Variants in S100PBP observed in about 807,000 individuals in gnomAD.
The protein encoded by S100PBP is S100P-binding protein.
Under a neutral mutation model 39.9 loss-of-function variants are expected in S100PBP, and 15 were observed. The ratio of observed to expected loss-of-function variants is 0.38; its 90% CI spans 0.25 to 0.58. S100PBP has a LOEUF of 0.58. Ranked by LOEUF, S100PBP falls within the 20% of genes least tolerant of loss-of-function variation. The pLI is 0.70. For synonymous variants in S100PBP, 178 were observed against 180.3 expected, an observed-to-expected ratio of 0.99 and a Z score of 0.10; for missense variants, 504 against 487.3, an observed-to-expected ratio of 1.03 and a Z score of -0.32.
In S100PBP at chr1:32,856,903, G is replaced by A. The variant is rs1640835409; in HGVS notation, c.*865G>A. The A allele has an allele frequency of 6.6e-6, 1 of 152,112 alleles. No individual in the cohort carries two copies. The highest frequency in any genetic ancestry group is 1.5e-5 in the Non-Finnish European group (1 of 68,034). The allele number at this position is 152,112 out of a possible 1,614,324, so 9.4% of individuals were successfully genotyped here. A position where few individuals can be genotyped will look rare whatever the true frequency, so the allele number is the denominator to read the frequency against. ...GCAGTATTCTTGTAACCTGTTAGACGTGGATATACCTCTTCAGGATGGCCT... is the reference window on the plus strand; with the variant it reads ...GCAGTATTCTTGTAACCTGTTAGACATGGATATACCTCTTCAGGATGGCCT... On this transcript the variant is annotated 3_prime_UTR_variant, in exon 7 of 7. Transcript: ENST00000373475.
At chr1:32,821,708 C>A (rs1639075030) in intron 1 of S100PBP, among the ~76,000 whole-genome samples, 3 of 151,702 alleles carry the variant, frequency 2.0e-5, no homozygotes, top group African/African-American at 7.3e-5. Context: ...GATCTCTGCC[C>A]ACTGCAACCT....
At chr1:32,837,770 T>G (rs1464382516) in intron 5 of S100PBP, among the ~76,000 whole-genome samples, 1 of 152,000 alleles carries the variant, frequency 6.6e-6, no homozygotes, top group Non-Finnish European at 1.5e-5. Context: ...TGAGTCTGGC[T>G]TCTTTGTCTC....
At chr1:32,845,279 A>G (rs1227392846) in intron 5 of S100PBP, among the ~76,000 whole-genome samples, 1 of 152,024 alleles carries the variant, frequency 6.6e-6, no homozygotes, top group Admixed American at 6.6e-5. Context: ...TCTTTTTTAA[A>G]AAATAGAGAC....
At chr1:32,818,208 C>G (rs1569804293) in intron 1 of S100PBP, 1 of 152,314 alleles carries the variant, frequency 6.6e-6, no homozygotes. Flanking sequence ...AGAAAACTCT[C>G]GCTTCTCCCG....
intron 3 of S100PBP, among the ~76,000 whole-genome samples, chr1:32,827,478 C>T (rs1639381130): frequency 6.6e-6 from 1 of 151,934 alleles, no homozygotes; most frequent in African/African-American, 2.4e-5. Context: ...ATCCCTGCCA[C>T]GTAGGGTTTC....
At chr1:32,851,251 G>T (rs984390954) in intron 5 of S100PBP, among the ~76,000 whole-genome samples, 6 of 152,118 alleles carry the variant, frequency 3.9e-5, no homozygotes, top group Admixed American at 3.3e-4. Context: ...ACTAGAACTT[G>T]AAAATATGAG....
intron 5 of S100PBP, among the ~76,000 whole-genome samples, chr1:32,837,585 A>G (rs1462963364): frequency 6.8e-6 from 1 of 147,782 alleles, no homozygotes; most frequent in East Asian, 2.0e-4. Context: ...AAAAAAAAAG[A>G]TAATAAGCAT....
intron 5 of S100PBP, among the ~76,000 whole-genome samples, chr1:32,833,197 G>A (rs2148657972): frequency 6.6e-6 from 1 of 152,136 alleles, no homozygotes; most frequent in East Asian, 1.9e-4. Flanking sequence ...AATGCAAAAC[G>A]CATTACCTCA....
At chr1:32,832,583 A>G (rs1014174252) in intron 5 of S100PBP, among the ~76,000 whole-genome samples, 5 of 152,142 alleles carry the variant, frequency 3.3e-5, no homozygotes, top group Non-Finnish European at 7.4e-5. Flanking sequence ...CCCATTGCCC[A>G]GTATTCCTAC....
chr1:32,846,879 C>T (rs1199722030), intron 5 of S100PBP: 1 of 152,100 alleles, frequency 6.6e-6, no homozygotes, highest in Non-Finnish European at 1.5e-5. Context: ...CCTCCAGGTT[C>T]AAGCGATTCT....
chr1:32,830,068 G>C lies in S100PBP; in HGVS notation c.1024+1G>C. The C allele has an allele frequency of 6.4e-7, 1 of 1,568,596 alleles. No individual in the cohort carries two copies. The highest frequency in any genetic ancestry group is 8.8e-7 in the Non-Finnish European group (1 of 1,139,190). On this transcript the variant is annotated splice_donor_variant, in intron 5 of 6. Coordinates refer to ENST00000373475, the MANE Select transcript of S100PBP (RefSeq NM_022753.4). LOFTEE classifies it high-confidence loss of function. ...GAAGACCCAGAGGACACTAACCAAG[G>C]TAACATGGTACCCAGAGAAAGGCAT...
chr1:32,832,926 C>A (rs1019122243), intron 5 of S100PBP, among the ~76,000 whole-genome samples: 1 of 151,896 alleles, frequency 6.6e-6, no homozygotes, highest in African/African-American at 2.4e-5. Context: ...CAAAGTAAAT[C>A]ATCCTTCAAC....
intron 1 of S100PBP, among the ~76,000 whole-genome samples, chr1:32,824,624 A>G (rs1639239272): frequency 6.6e-6 from 1 of 150,560 alleles, no homozygotes. Context: ...GTGCAGCGAT[A>G]TGATGACTGC....
chr1:32,829,467 A>G (rs1639492062), intron 4 of S100PBP, among the ~76,000 whole-genome samples: 2 of 151,672 alleles, frequency 1.3e-5, no homozygotes, highest in Non-Finnish European at 2.9e-5. Context: ...TTTTTAAATT[A>G]TTTGATTTTT....
At chr1:32,837,276 GA>G (rs1421770720) in intron 5 of S100PBP, 1 of 150,886 alleles carries the variant, frequency 6.6e-6, no homozygotes, top group Non-Finnish European at 1.5e-5. Context: ...TTTCTCTCTG[GA>G]AGTTCTTTTT....
chr1:32,830,027 T>A lies in S100PBP; in HGVS notation c.984T>A (p.Ser328Arg). Residue 328 changes from serine (S) to arginine (R), a missense_variant, in exon 5 of 7, where the codon AGT (serine) becomes AGA (arginine). Transcript: ENST00000373475. Reference protein sequence around the residue: ...LEQQKQLYLRSVIAHIEDPED... With the variant: ...LEQQKQLYLRRVIAHIEDPED... ...AGCAGAAGCAGCTTTATCTCAGGAG[T>A]GTCATTGCTCATATAGAAGACCCAG... 1 of 1,613,746 alleles carries A rather than the reference T, an allele frequency of 6.2e-7. No individual in the cohort carries two copies. Among genetic ancestry groups the A allele is most frequent in the Non-Finnish European group, 8.5e-7 (1 of 1,179,802 alleles).
At chr1:32,838,102 G>A (rs924561598) in intron 5 of S100PBP, among the ~76,000 whole-genome samples, 2 of 152,038 alleles carry the variant, frequency 1.3e-5, no homozygotes, top group East Asian at 3.9e-4. Flanking sequence ...AGCACTTTTG[G>A]AGGCCGAGGC....
Position 32,826,582 on chromosome 1 carries a change from T to G in S100PBP, c.483T>G (p.Asp161Glu), listed in dbSNP as rs1014068967. The change falls in exon 3 of 7, where the codon GAT becomes GAG. Residue 161 changes from aspartate to glutamate, a missense_variant. By Grantham distance (45) the Asp-to-Glu change is conservative. Transcript: ENST00000373475. ...FNPTVCDALL[D>E]KDETDSSKDT... ...CAACAGTTTGTGATGCTCTGCTTGA[T>G]AAGGACGAGACTGATTCGTCCAAAG... The G allele has an allele frequency of 1.2e-6, 2 of 1,613,792 alleles. No homozygotes were observed. The highest frequency in any genetic ancestry group is 1.7e-5 in the Admixed American group (1 of 59,992).
intron 6 of S100PBP, among the ~76,000 whole-genome samples, chr1:32,854,738 G>T (rs1172880423): frequency 6.6e-6 from 1 of 152,042 alleles, no homozygotes; most frequent in African/African-American, 2.4e-5. Context: ...CCCTACAAAG[G>T]CCTATATGCT....
Sources: allele counts gnomAD v4.1 joint callset (sites outside exome capture counted in the v4.1 genomes callset), GRCh38; gene constraint gnomAD v4.1.1; transcripts MANE v1.5; gene names NCBI Gene and HGNC (gene_info 2026-07-23, HGNC 2026-07-21).